The following NTM variants were observed in gnomAD, a reference collection of about 807,000 sequenced individuals.
NTM encodes IgLON family member 2.
NTM carries 13 observed loss-of-function variants against 42.1 expected under a neutral mutation model. The ratio of observed to expected loss-of-function variants is 0.31; its 90% CI spans 0.20 to 0.49. The LOEUF (loss-of-function observed/expected upper bound fraction) is 0.49. NTM is among the 20% of genes least tolerant of loss of function. The pLI, the probability that NTM is intolerant of heterozygous loss-of-function variation, is 0.99. For synonymous variants in NTM, 187 were observed against 179.2 expected (o/e 1.04, Z -0.35); for missense variants, 373 against 452.8 (o/e 0.82, Z 1.60).
chr11:132,026,371 T>G (rs1439732841), intron 2 of NTM, among the ~76,000 whole-genome samples: 1 of 152,134 alleles, frequency 6.6e-6, no homozygotes, highest in East Asian at 1.9e-4. Flanking sequence ...GTACAAATAG[T>G]CACGTATGTA....
chr11:131,547,661 A>C (rs1488892144), intron 1 of NTM, among the ~76,000 whole-genome samples: 2 of 152,250 alleles, frequency 1.3e-5, no homozygotes, highest in South Asian at 2.1e-4. Context: ...TGTTGGTATG[A>C]AGCCTTTTGA....
At chr11:131,948,365 A>AAAAAAAGC (rs1555188959) in intron 2 of NTM, among the ~76,000 whole-genome samples, 12 of 72,846 alleles carry the variant, frequency 1.6e-4, no homozygotes, top group African/African-American at 6.5e-4. Context: ...ACTCCATCTC[A>AAAAAAAGC]AAAAAAACAA....
chr11:131,459,724 A>G (rs945918471), intron 1 of NTM, among the ~76,000 whole-genome samples: 11 of 152,168 alleles, frequency 7.2e-5, no homozygotes, highest in Non-Finnish European at 1.2e-4. Flanking sequence ...CAGTCCTGAT[A>G]GTGTTGAGTA....
intron 2 of NTM, among the ~76,000 whole-genome samples, chr11:132,061,001 T>C (rs2080576486): frequency 6.6e-6 from 1 of 152,154 alleles, no homozygotes; most frequent in Admixed American, 6.5e-5. Context: ...CATGCTAAAA[T>C]GCTGCTAGAT....
At chr11:132,036,482 T>A (rs947423010) in intron 2 of NTM, among the ~76,000 whole-genome samples, 1 of 152,154 alleles carries the variant, frequency 6.6e-6, no homozygotes, top group East Asian at 1.9e-4. Context: ...TGGAGAAAAA[T>A]TCCTTTTTAT....
At chr11:131,631,020 C>G (rs1386463937) in intron 1 of NTM, among the ~76,000 whole-genome samples, 1 of 152,182 alleles carries the variant, frequency 6.6e-6, no homozygotes, top group Non-Finnish European at 1.5e-5. Context: ...CATTACCATC[C>G]AGTGAACTCT....
intron 1 of NTM, among the ~76,000 whole-genome samples, chr11:131,847,885 A>G (rs1592250985): frequency 6.6e-6 from 1 of 152,152 alleles, no homozygotes; most frequent in African/African-American, 2.4e-5. Context: ...AAATATTTTA[A>G]CTGTATTTCC....
chr11:131,493,917 CTT>C (rs1273634342), intron 1 of NTM, among the ~76,000 whole-genome samples: 1 of 152,180 alleles, frequency 6.6e-6, no homozygotes, highest in Non-Finnish European at 1.5e-5. Flanking sequence ...TCTGTAGCCT[CTT>C]ATTTCAATTC....
intron 4 of NTM, among the ~76,000 whole-genome samples, chr11:132,213,651 A>G (rs1335407948): frequency 6.6e-6 from 1 of 152,122 alleles, no homozygotes; most frequent in African/African-American, 2.4e-5. Flanking sequence ...AGTTGGCCCT[A>G]ATGGATGTTC....
intron 4 of NTM, among the ~76,000 whole-genome samples, chr11:132,286,523 C>G (rs73597272): frequency 0.013 from 1,936 of 152,222 alleles, 43 homozygotes; most frequent in African/African-American, 0.044. Flanking sequence ...TCCGCCCCCC[C>G]CACCCAAACA....
chr11:132,093,268 C>G (rs1435193520), intron 2 of NTM, among the ~76,000 whole-genome samples: 1 of 152,182 alleles, frequency 6.6e-6, no homozygotes, highest in Non-Finnish European at 1.5e-5. Context: ...TCTCCATGTT[C>G]TCTCTTGCAT....
At chr11:132,074,987 A>G (rs1055232439) in intron 2 of NTM, among the ~76,000 whole-genome samples, 2 of 152,200 alleles carry the variant, frequency 1.3e-5, no homozygotes, top group South Asian at 2.1e-4. Flanking sequence ...TTAAGTGTCA[A>G]TTTTTTAAGA....
chr11:131,639,782 C>A (rs2064894037), intron 1 of NTM, among the ~76,000 whole-genome samples: 1 of 151,906 alleles, frequency 6.6e-6, no homozygotes, highest in Admixed American at 6.6e-5. Flanking sequence ...ATGGTGAAAC[C>A]CCATCTTTAC....
At chr11:131,525,925 A>G (rs1027213478) in intron 1 of NTM, among the ~76,000 whole-genome samples, 4 of 152,200 alleles carry the variant, frequency 2.6e-5, no homozygotes, top group Non-Finnish European at 4.4e-5. Flanking sequence ...AAACGTTTCT[A>G]TGCTACGTGG....
chr11:131,776,666 T>C (rs935744510), intron 1 of NTM, among the ~76,000 whole-genome samples: 2 of 152,176 alleles, frequency 1.3e-5, no homozygotes, highest in Admixed American at 1.3e-4. Flanking sequence ...ACAAACAAAT[T>C]CCAACATTGA....
intron 1 of NTM, among the ~76,000 whole-genome samples, chr11:131,619,043 C>A (rs954081418): frequency 1.5e-4 from 23 of 152,110 alleles, no homozygotes; most frequent in Non-Finnish European, 2.6e-4. Flanking sequence ...TATGCGAAAA[C>A]AAACAACAAC....
intron 1 of NTM, among the ~76,000 whole-genome samples, chr11:131,505,306 C>G (rs1272706121): frequency 2.0e-5 from 3 of 152,096 alleles, no homozygotes; most frequent in Non-Finnish European, 4.4e-5. Context: ...TAATTATTCT[C>G]AGTGTGTTAA....
intron 2 of NTM, among the ~76,000 whole-genome samples, chr11:132,009,965 G>C (rs537960291): frequency 1.3e-5 from 2 of 152,118 alleles, no homozygotes; most frequent in Non-Finnish European, 2.9e-5. Flanking sequence ...TCAAATGGCC[G>C]TGGAAGGTCA....
intron 3 of NTM, among the ~76,000 whole-genome samples, chr11:132,155,501 G>A (rs7119760): frequency 0.84 from 128,285 of 152,230 alleles, 54,523 homozygotes; most frequent in African/African-American, 0.96. Context: ...ACCGGTCTGG[G>A]TCGCATCCCG....
Sources: gnomAD v4.1 joint callset for allele counts (sites outside exome capture counted in the v4.1 genomes callset) on GRCh38, gnomAD v4.1.1 for gene constraint, MANE v1.5 for transcripts, NCBI Gene and HGNC (gene_info 2026-07-23, HGNC 2026-07-21) for gene names.